The following RECQL5 variants were observed in gnomAD, a reference collection of about 807,000 sequenced individuals.
RECQL5 encodes the protein RecQ like helicase 5.
A neutral mutation model predicts 103.4 loss-of-function variants in RECQL5; 88 were observed. The observed-to-expected ratio is 0.85, with a 90% CI of 0.72 to 1.02. The LOEUF (loss-of-function observed/expected upper bound fraction) is 1.02. RECQL5 is among the 50% of genes least tolerant of loss of function. The probability of loss-of-function intolerance (pLI) is 0.00; values close to 1 mark genes in which losing one functional copy is unlikely to be tolerated. For synonymous variants in RECQL5, 552 were observed against 507.9 expected, an observed-to-expected ratio of 1.09 and a Z score of -1.17; for missense variants, 1,232 against 1,284.3, an observed-to-expected ratio of 0.96 and a Z score of 0.62.
At chr17:75,651,350 G>T in intron 7 of RECQL5, 85 bp from the exon 8 acceptor site, 1 of 1,480,704 alleles carries the variant, frequency 6.8e-7, no homozygotes, top group Non-Finnish European at 9.4e-7. Context: ...GGCCGAGTGC[G>T]GTGGCTCACG....
At chr17:75,642,131 C>T (rs574509291) in intron 8 of RECQL5, among the ~76,000 whole-genome samples, 1 of 152,300 alleles carries the variant, frequency 6.6e-6, no homozygotes, top group Non-Finnish European at 1.5e-5. Context: ...TTCCTTACCC[C>T]CTCCTTTCAG....
At chr17:75,661,740 A>G in intron 4 of RECQL5, 32 bp from the exon 5 acceptor site, 1 of 1,536,622 alleles carries the variant, frequency 6.5e-7, no homozygotes, top group Non-Finnish European at 9.0e-7. Flanking sequence ...GAAAATAAGC[A>G]TAGCAAGAAC....
At chr17:75,641,264 G>A (rs2059430432) in intron 8 of RECQL5, 1 of 203,812 alleles carries the variant, frequency 4.9e-6, no homozygotes, top group African/African-American at 2.3e-5. Flanking sequence ...GGGCTCTGCT[G>A]ATACATGCCA....
At chr17:75,649,278 TAA>T (rs891984847) in intron 8 of RECQL5, 2 of 152,240 alleles carry the variant, frequency 1.3e-5, no homozygotes, top group African/African-American at 4.8e-5. Flanking sequence ...CCTGTGACAC[TAA>T]AAGACACTCA....
At chr17:75,664,473 C>T (rs982110753) in intron 3 of RECQL5, among the ~76,000 whole-genome samples, 1 of 152,138 alleles carries the variant, frequency 6.6e-6, no homozygotes, top group African/African-American at 2.4e-5. Context: ...GTTTCATACT[C>T]CTCTGAACAA....
chr17:75,629,921 A>T, intron 14 of RECQL5, 79 bp from the exon 15 acceptor site: 1 of 1,505,782 alleles, frequency 6.6e-7, no homozygotes, highest in South Asian at 1.3e-5. Context: ...CTTTTCTACT[A>T]GGCACTACAA....
chr17:75,646,259 C>G (rs2059487626), intron 8 of RECQL5: 1 of 152,456 alleles, frequency 6.6e-6, no homozygotes, highest in African/African-American at 2.4e-5. Context: ...TCATTCACCC[C>G]ACAACACAGG....
rs577709994 is a variant in RECQL5, at chr17:75,662,379, A to C, written c.771+100T>G. The stretch of plus-strand genomic sequence containing the variant: ...GCACAAGTTTTAGGAAGCCTGGCTG[A>C]GAAAGCTAGAAAAACCAAAGGTCTT... On this transcript the variant is annotated intron_variant, in intron 4 of 19. Coordinates refer to ENST00000317905, the MANE Select transcript of RECQL5 (RefSeq NM_004259.7). The C allele has an allele frequency of 2.0e-3, 2,626 of 1,288,220 alleles. 7 individuals carry two copies. Among genetic ancestry groups the C allele is most frequent in the Non-Finnish European group, 2.6e-3 (2,405 of 929,736 alleles). 79.8% of individuals were successfully genotyped at this position (1,288,220 alleles called of 1,614,324 possible).
chr17:75,628,992 C>A lies in RECQL5; in HGVS notation c.2431G>T (p.Ala811Ser). The A allele has an allele frequency of 6.4e-7, 1 of 1,562,164 alleles. No individual in the cohort carries two copies. The highest frequency in any genetic ancestry group is 8.6e-7 in the Non-Finnish European group (1 of 1,157,090). Residue 811 changes from alanine (A) to serine (S), a missense_variant, in exon 16 of 20, where the codon GCC (alanine) becomes TCC (serine). Coordinates refer to ENST00000317905, the MANE Select transcript of RECQL5 (RefSeq NM_004259.7). ...GGAGGGGCAGGCGAATGTCCCCCGG[C>A]TCCATCTTCCTCCCCTGTGTACTTC... ...PEKYTGEEDG[A>S]GGHSPAPPQT...
intron 3 of RECQL5, among the ~76,000 whole-genome samples, chr17:75,663,254 C>G (rs2059722847): frequency 6.6e-6 from 1 of 152,128 alleles, no homozygotes; most frequent in Non-Finnish European, 1.5e-5. Context: ...AGATGAGACC[C>G]AAGTCTGAAC....
chr17:75,631,500 A>G lies in RECQL5; in HGVS notation c.1398T>C (p.Phe466=). The G allele has an allele frequency of 6.2e-7, 1 of 1,613,270 alleles. No individual in the cohort carries two copies. Among genetic ancestry groups the G allele is most frequent in the Non-Finnish European group, 8.5e-7 (1 of 1,179,972 alleles). ...TCIGPSQGNG[F]DPELYEGGRK... is the part of the protein sequence containing the mutation. ...GGCCTCCCTCATACAGCTCGGGGTC[A>G]AAGCCGTTCCCCTGGGAGGGCCCGA... The change falls in exon 9 of 20, where the codon TTT becomes TTC. Residue 466 remains phenylalanine, a synonymous_variant. Coordinates refer to ENST00000317905, the MANE Select transcript of RECQL5 (RefSeq NM_004259.7).
At position 75,630,850 on chromosome 17, in the gene RECQL5, G is replaced by C. The variant is rs765262518; in HGVS notation, c.1586-13C>G. The C allele has an allele frequency of 7.6e-6, 11 of 1,453,724 alleles. No homozygotes were observed. The highest frequency in any genetic ancestry group is 1.5e-5 in the African/African-American group (1 of 67,902). The allele number at this position is 1,453,724 out of a possible 1,614,324, so 90.1% of individuals were successfully genotyped here. A position where few individuals can be genotyped will look rare whatever the true frequency, so the allele number is the denominator to read the frequency against. On this transcript the variant is annotated splice_polypyrimidine_tract_variant and intron_variant, in intron 11 of 19. Coordinates refer to ENST00000317905, the MANE Select transcript of RECQL5 (RefSeq NM_004259.7). ...GGACAGTTCTCATCTGTGGGGGGGGGGGGTGGTCCTTGGTCCTTTCGCTCC... is the reference window on the plus strand; with the variant it reads ...GGACAGTTCTCATCTGTGGGGGGGGCGGGTGGTCCTTGGTCCTTTCGCTCC...
intron 8 of RECQL5, among the ~76,000 whole-genome samples, chr17:75,642,986 C>T (rs141472995): frequency 1.3e-5 from 2 of 152,332 alleles, no homozygotes; most frequent in East Asian, 3.9e-4. Flanking sequence ...ATCGACCAAC[C>T]CTACACCCAA....
chr17:75,630,956 G>A lies in RECQL5; in HGVS notation c.1585+18C>T. On this transcript the variant is annotated intron_variant, in intron 11 of 19. Transcript: ENST00000317905. ...CCGGGAAGAGCCCACAAGCCTCCAG[G>A]AACATTTCTGTACTGACCTGGGGGT... 6.2e-7 allele frequency: 1 copy of A among 1,612,976 alleles called. No homozygotes were observed. The highest frequency in any genetic ancestry group is 1.7e-5 in the Admixed American group (1 of 59,878).
At chr17:75,630,299 C>T (rs774952023) in intron 13 of RECQL5, 22 bp from the exon 14 acceptor site, 15 of 1,535,500 alleles carry the variant, frequency 9.8e-6, no homozygotes, top group Non-Finnish European at 1.2e-5. Flanking sequence ...AGGTAACAGG[C>T]ACAAGGTATC....
At position 75,629,001 on chromosome 17, in the gene RECQL5, C is replaced by G. The variant is rs778585654; in HGVS notation, c.2422G>C (p.Glu808Gln). The G allele has an allele frequency of 5.1e-6, 8 of 1,564,828 alleles. No homozygotes were observed. In the East Asian group the frequency reaches 1.8e-4, roughly 35 times the overall value. Residue 808 changes from glutamate to glutamine, a missense_variant, in exon 16 of 20, where the codon GAA (glutamate) becomes CAA (glutamine). Transcript: ENST00000317905. ...GGCGAATGTCCCCCGGCTCCATCTTCCTCCCCTGTGTACTTCTCTGGGGCC... is the reference window on the plus strand; with the variant it reads ...GGCGAATGTCCCCCGGCTCCATCTTGCTCCCCTGTGTACTTCTCTGGGGCC... ...PMAPEKYTGE[E>Q]DGAGGHSPAP...
At position 75,662,646 on chromosome 17, in the gene RECQL5, C is replaced by A. The variant is rs1159165541; in HGVS notation, c.604G>T (p.Asp202Tyr). 1 of 1,614,064 alleles carries A rather than the reference C, an allele frequency of 6.2e-7. No individual in the cohort carries two copies. The highest frequency in any genetic ancestry group is 1.3e-5 in the African/African-American group (1 of 74,926). The change falls in exon 4 of 20, where the codon GAC becomes TAC. Residue 202 changes from aspartate to tyrosine, a missense_variant. Coordinates refer to ENST00000317905, the MANE Select transcript of RECQL5 (RefSeq NM_004259.7). ...TTCAGGTGCAGGGCAGCAAACACGT[C>A]CTCTTGGACCTGTGGGGTGGCTGTG... ...TATATPQVQE[D>Y]VFAALHLKKP...
chr17:75,647,602 G>C (rs1242111377), intron 8 of RECQL5: 1 of 1,543,794 alleles, frequency 6.5e-7, no homozygotes, highest in South Asian at 1.2e-5. Flanking sequence ...AGCAGGGGAG[G>C]CGAGCTGACC....
chr17:75,630,473 G>A (rs1568257910), intron 13 of RECQL5, 146 bp downstream of exon 13: 1 of 966,074 alleles, frequency 1.0e-6, no homozygotes, highest in Non-Finnish European at 1.6e-6. Context: ...CCTGGCCCTG[G>A]TGGGGTTGTA....
Sources: gnomAD v4.1 joint callset for allele counts (sites outside exome capture counted in the v4.1 genomes callset) on GRCh38, gnomAD v4.1.1 for gene constraint, MANE v1.5 for transcripts, NCBI Gene and HGNC (gene_info 2026-07-23, HGNC 2026-07-21) for gene names.